Variants in ADAMTS12 observed in about 807,000 individuals in gnomAD.
The protein encoded by ADAMTS12 is A disintegrin and metalloproteinase with thrombospondin motifs 12.
In ADAMTS12, 118 loss-of-function variants were observed where a neutral mutation model predicts 167.8. That is an observed-to-expected ratio of 0.70 (90% CI 0.61 to 0.82). The LOEUF is 0.82. ADAMTS12 is among the 40% of genes least tolerant of loss of function. The pLI is 0.00. For missense variants in ADAMTS12, 1,916 were observed against 1,998.8 expected (o/e 0.96, Z 0.79); for synonymous variants, 704 against 716.9 (o/e 0.98, Z 0.29).
At chr5:33,782,032 C>T (rs1041635993) in intron 2 of ADAMTS12, among the ~76,000 whole-genome samples, 7 of 152,014 alleles carry the variant, frequency 4.6e-5, no homozygotes, top group Admixed American at 1.3e-4. Flanking sequence ...ACCTTAACCT[C>T]ATCTTGAATT....
intron 19 of ADAMTS12, among the ~76,000 whole-genome samples, chr5:33,570,027 A>C (rs958138385): frequency 4.6e-5 from 7 of 152,200 alleles, no homozygotes; most frequent in Admixed American, 4.6e-4. Flanking sequence ...GAAATGAAGC[A>C]AGAAGGGAAG....
At chr5:33,881,701 T>G (rs1307850447) in intron 1 of ADAMTS12, among the ~76,000 whole-genome samples, 1 of 151,534 alleles carries the variant, frequency 6.6e-6, no homozygotes, top group East Asian at 1.9e-4. Flanking sequence ...TATCTGGGAT[T>G]ACAGGCATGT....
intron 2 of ADAMTS12, among the ~76,000 whole-genome samples, chr5:33,789,191 T>A (rs542665784): frequency 2.3e-3 from 355 of 152,234 alleles, no homozygotes; most frequent in African/African-American, 7.8e-3. Context: ...TCACACACAC[T>A]CAGCAAGGAG....
At chr5:33,852,792 T>C (rs1003631461) in intron 2 of ADAMTS12, among the ~76,000 whole-genome samples, 4 of 152,220 alleles carry the variant, frequency 2.6e-5, no homozygotes, top group Admixed American at 2.6e-4. Flanking sequence ...TATGTGTTTG[T>C]TGAAAGGAAG....
At chr5:33,856,574 T>C (rs1749408300) in intron 2 of ADAMTS12, among the ~76,000 whole-genome samples, 1 of 151,126 alleles carries the variant, frequency 6.6e-6, no homozygotes, top group South Asian at 2.1e-4. Flanking sequence ...CTGGGCAACA[T>C]AGTGAGACCC....
At chr5:33,644,626 G>GTTCTTAAGGGCTTGTTAAGGGC (rs1740591681) in intron 9 of ADAMTS12, among the ~76,000 whole-genome samples, 1 of 151,866 alleles carries the variant, frequency 6.6e-6, no homozygotes, top group African/African-American at 2.4e-5. Context: ...ATTTTTGAAA[G>GTTCTTAAGGGCTTGTTAAGGGC]TTCTTAAGGG....
At chr5:33,627,427 A>C (rs1294998702) in intron 13 of ADAMTS12, among the ~76,000 whole-genome samples, 1 of 129,324 alleles carries the variant, frequency 7.7e-6, no homozygotes, top group Non-Finnish European at 1.6e-5. Context: ...GTTGGGTGAT[A>C]ATGGTGGTGG....
In ADAMTS12 at chr5:33,881,162, C is replaced by A; in HGVS notation, c.446G>T (p.Gly149Val). ...GAGGGCTGCCGTCCCAACTCTGGTG[C>A]CCTGCTGTAGAACCGTGCCACTGAG... ...CHLSGTVLQQ[G>V]TRVGTAALSA... The change falls in exon 2 of 24, where the codon GGC (glycine) becomes GTC (valine). Residue 149 changes from glycine to valine, a missense_variant. Coordinates refer to ENST00000504830, the MANE Select transcript of ADAMTS12 (RefSeq NM_030955.4). 1.9e-6 allele frequency: 3 copies of A among 1,614,102 alleles called. No individual in the cohort carries two copies. The highest frequency in any genetic ancestry group is 2.5e-6 in the Non-Finnish European group (3 of 1,180,026).
chr5:33,568,653 TCTGCGTGAG>T (rs889291012), intron 19 of ADAMTS12, among the ~76,000 whole-genome samples: 1 of 151,954 alleles, frequency 6.6e-6, no homozygotes, highest in Admixed American at 6.6e-5. Context: ...GACTATGGAG[TCTGCGTGAG>T]TGACGCAGAA....
chr5:33,601,424 G>A (rs577674445), intron 16 of ADAMTS12, among the ~76,000 whole-genome samples: 1 of 152,214 alleles, frequency 6.6e-6, no homozygotes, highest in Non-Finnish European at 1.5e-5. Context: ...TGAATCCAAA[G>A]CCTCTTTGTA....
rs537992732 is a variant in ADAMTS12 at position 33,881,639 on chromosome 5, G to A, written c.128-159C>T. ...TGCAATGGCACGATCCGGGCTCACC[G>A]CAACCTCCTCCTCACTGGGTTCAAG... On this transcript the variant is annotated intron_variant, in intron 1 of 23. Transcript: ENST00000504830. Among the ~76,000 whole-genome samples, 152 of 150,840 alleles carry A rather than the reference G, an allele frequency of 1.0e-3. 7 individuals are homozygous for A. The highest frequency in any genetic ancestry group is 9.9e-3 in the Admixed American group (150 of 15,150).
At chr5:33,874,580 T>A (rs1750157007) in intron 2 of ADAMTS12, among the ~76,000 whole-genome samples, 1 of 152,236 alleles carries the variant, frequency 6.6e-6, no homozygotes, top group Non-Finnish European at 1.5e-5. Context: ...CACTTCTTGA[T>A]ATTTACCTAA....
At chr5:33,717,479 C>T (rs1442286933) in intron 3 of ADAMTS12, among the ~76,000 whole-genome samples, 1 of 152,146 alleles carries the variant, frequency 6.6e-6, no homozygotes, top group South Asian at 2.1e-4. Context: ...ACTACTATTA[C>T]CCTCATTTTA....
intron 3 of ADAMTS12, among the ~76,000 whole-genome samples, chr5:33,745,802 A>G (rs1009036423): frequency 1.3e-5 from 2 of 152,212 alleles, no homozygotes; most frequent in African/African-American, 4.8e-5. Context: ...GGCCTCTGGC[A>G]CTCTGAGTAC....
intron 1 of ADAMTS12, among the ~76,000 whole-genome samples, chr5:33,882,296 T>C (rs1319692891): frequency 6.6e-6 from 1 of 151,894 alleles, no homozygotes; most frequent in Non-Finnish European, 1.5e-5. Context: ...CAGCAAAGAG[T>C]GCATAAAAGA....
chr5:33,694,441 A>T (rs1742677524), intron 3 of ADAMTS12, among the ~76,000 whole-genome samples: 1 of 152,120 alleles, frequency 6.6e-6, no homozygotes, highest in Non-Finnish European at 1.5e-5. Flanking sequence ...AGAAAAGTAG[A>T]CCTAGGGAAA....
chr5:33,652,560 T>C lies in ADAMTS12; in HGVS notation c.1191-2863A>G, dbSNP rs116248598. Among the ~76,000 whole-genome samples the C allele has an allele frequency of 2.4e-3, 363 of 152,306 alleles. 2 individuals carry two copies. The highest frequency in any genetic ancestry group is 8.1e-3 in the African/African-American group (338 of 41,586). ...TGTCAGATGTATAGTTTACATATGT[T>C]TTCTCCACTCTGTGGGTTGTCTGTT... On this transcript the variant is annotated intron_variant, in intron 7 of 23. Coordinates refer to ENST00000504830, the MANE Select transcript of ADAMTS12 (RefSeq NM_030955.4).
chr5:33,874,947 A>T (rs1238859400), intron 2 of ADAMTS12, among the ~76,000 whole-genome samples: 1 of 152,152 alleles, frequency 6.6e-6, no homozygotes, highest in Admixed American at 6.5e-5. Context: ...ACGTGCCTAT[A>T]ATCCTGGCTA....
At chr5:33,851,369 G>T (rs941812833) in intron 2 of ADAMTS12, among the ~76,000 whole-genome samples, 2 of 152,072 alleles carry the variant, frequency 1.3e-5, no homozygotes, top group African/African-American at 4.8e-5. Flanking sequence ...CCGAGATCAC[G>T]CCACTGCACT....
Sources: gnomAD v4.1 joint callset for allele counts (sites outside exome capture counted in the v4.1 genomes callset) on GRCh38, gnomAD v4.1.1 for gene constraint, MANE v1.5 for transcripts, NCBI Gene and HGNC (gene_info 2026-07-23, HGNC 2026-07-21) for gene names.